Variants in ZNF487 observed in about 807,000 individuals in gnomAD.
The protein encoded by ZNF487 is zinc finger protein 487.
Under a neutral mutation model 3.0 loss-of-function variants are expected in ZNF487, and 4 were observed. That is an observed-to-expected ratio of 1.35 (90% confidence interval 0.66 to 3.08). The LOEUF (loss-of-function observed/expected upper bound fraction) is 3.08, where lower values mean the gene tolerates loss of function less well. Ranked by LOEUF, ZNF487 falls within the 30% of genes most tolerant of loss-of-function variation. The probability of loss-of-function intolerance (pLI) is 0.01; values close to 1 mark genes in which losing one functional copy is unlikely to be tolerated. For synonymous variants in ZNF487, 55 were observed against 34.6 expected, an observed-to-expected ratio of 1.59 and a Z score of -2.06; for missense variants, 146 against 98.7, an observed-to-expected ratio of 1.48 and a Z score of -2.03.
chr10:43,481,249 T>G (rs1841342385), intron 3 of ZNF487, among the ~76,000 whole-genome samples, 180 bp from the exon 4 acceptor site: 1 of 151,656 alleles, frequency 6.6e-6, no homozygotes. Flanking sequence ...GAGCATCACC[T>G]GAGCCTGGGA....
chr10:43,522,511 T>C, the ZNF487 span, among the ~76,000 whole-genome samples: 6 of 151,594 alleles, frequency 4.0e-5, no homozygotes, highest in Non-Finnish European at 7.4e-5. Context: ...AGGTGGTAGG[T>C]TTACCTGAGG....
chr10:43,453,458 TGGGGACAGG>T (rs1480115249), intron 1 of ZNF487: 1 of 152,182 alleles, frequency 6.6e-6, no homozygotes, highest in East Asian at 1.9e-4. Flanking sequence ...ATTTTAATGG[TGGGGACAGG>T]GGTCATCCTG....
chr10:43,468,662 A>G (rs151296636), intron 1 of ZNF487, among the ~76,000 whole-genome samples: 6,321 of 127,942 alleles, frequency 0.049, 220 homozygotes, highest in South Asian at 0.13. Context: ...CTGGGCACCA[A>G]GAGTGAAACT....
At chr10:43,452,801 T>TG (rs1840054465) in intron 1 of ZNF487, 1 of 152,068 alleles carries the variant, frequency 6.6e-6, no homozygotes, top group African/African-American at 2.4e-5. Flanking sequence ...GTGGGGAATC[T>TG]ATCTCGTATC....
the ZNF487 span, among the ~76,000 whole-genome samples, chr10:43,503,773 ATTTTTGTATT>A: frequency 6.6e-6 from 1 of 151,792 alleles, no homozygotes; most frequent in African/African-American, 2.4e-5. Context: ...TGCCCAACTA[ATTTTTGTATT>A]TTTCTGTAGA....
At chr10:43,502,392 G>A in the ZNF487 span, among the ~76,000 whole-genome samples, 14 of 152,100 alleles carry the variant, frequency 9.2e-5, no homozygotes, top group South Asian at 4.1e-4. Flanking sequence ...TGGGGTGGGG[G>A]GGGATAGCAT....
chr10:43,474,125 C>T (rs1841003182), intron 1 of ZNF487, among the ~76,000 whole-genome samples: 1 of 149,832 alleles, frequency 6.7e-6, no homozygotes, highest in Admixed American at 6.8e-5. Context: ...TGTGCCACTG[C>T]ATTCCAGCCT....
chr10:43,455,262 C>G (rs929340070), intron 1 of ZNF487, among the ~76,000 whole-genome samples: 4 of 152,118 alleles, frequency 2.6e-5, no homozygotes, highest in African/African-American at 9.7e-5. Flanking sequence ...CCGCCCGCCT[C>G]GGCCTCCCAA....
At chr10:43,499,201 A>C in the ZNF487 span, among the ~76,000 whole-genome samples, 1 of 152,214 alleles carries the variant, frequency 6.6e-6, no homozygotes, top group African/African-American at 2.4e-5. Context: ...TGGAAAATTA[A>C]AACCAACCAT....
At chr10:43,464,903 T>C (rs1365673794) in intron 1 of ZNF487, among the ~76,000 whole-genome samples, 3 of 151,698 alleles carry the variant, frequency 2.0e-5, no homozygotes, top group African/African-American at 7.3e-5. Flanking sequence ...CCAGACGGGG[T>C]GGTGGCCGGG....
Position 43,481,433 on chromosome 10 carries a change from C to T in ZNF487, c.135C>T (p.Cys45=), listed in dbSNP as rs1351081354. The T allele has an allele frequency of 4.2e-6, 3 of 709,458 alleles. No homozygotes were observed. The highest frequency in any genetic ancestry group is 4.2e-5 in the Admixed American group (2 of 47,666). 43.9% of individuals were successfully genotyped at this position (709,458 alleles called of 1,614,324 possible). A position where few individuals can be genotyped will look rare whatever the true frequency, so the allele number is the denominator to read the frequency against. The change falls in exon 4 of 4, where the codon TGC becomes TGT. Residue 45 remains cysteine (C), a synonymous_variant. Coordinates refer to ENST00000437590, the MANE Select transcript of ZNF487 (RefSeq NM_001355444.3). ...ATAACTTATTATTATTTCTAGACTGCTGCATAGATGATGACCTGATGGAGA... is the reference window on the plus strand; with the variant it reads ...ATAACTTATTATTATTTCTAGACTGTTGCATAGATGATGACCTGATGGAGA... The part of the protein sequence containing the change: ...EESPSQSHLD[C]CIDDDLMEKR...
At chr10:43,478,352 C>G (rs771409334) in intron 3 of ZNF487, among the ~76,000 whole-genome samples, 1 of 151,990 alleles carries the variant, frequency 6.6e-6, no homozygotes, top group East Asian at 1.9e-4. Context: ...GTTGAGAGTT[C>G]GAGACCAGCC....
At chr10:43,505,107 A>C in the ZNF487 span, among the ~76,000 whole-genome samples, 1 of 148,854 alleles carries the variant, frequency 6.7e-6, no homozygotes, top group Admixed American at 6.7e-5. Context: ...GAGACCTCGA[A>C]CTCCTGGGCT....
At chr10:43,450,050 T>C (rs1180724182) in intron 1 of ZNF487, among the ~76,000 whole-genome samples, 1 of 152,110 alleles carries the variant, frequency 6.6e-6, no homozygotes, top group Non-Finnish European at 1.5e-5. Flanking sequence ...ATTGGAAAAC[T>C]TTTTTGTTTT....
intron 1 of ZNF487, among the ~76,000 whole-genome samples, chr10:43,455,703 G>C (rs1840165328): frequency 6.6e-6 from 1 of 152,206 alleles, no homozygotes; most frequent in South Asian, 2.1e-4. Flanking sequence ...GGCTGGGCGC[G>C]GTGGGGTCGC....
At chr10:43,444,715 C>T (rs1173943801) in intron 1 of ZNF487, among the ~76,000 whole-genome samples, 6 of 152,090 alleles carry the variant, frequency 3.9e-5, no homozygotes, top group Non-Finnish European at 7.4e-5. Context: ...ACCACAGGCG[C>T]ACACCACTCC....
intron 1 of ZNF487, among the ~76,000 whole-genome samples, chr10:43,448,695 T>C (rs540384755): frequency 6.6e-4 from 100 of 152,216 alleles, no homozygotes; most frequent in Non-Finnish European, 1.2e-3. Context: ...CGCACACCTG[T>C]AGTCCCAGCT....
chr10:43,505,890 G>A, the ZNF487 span, among the ~76,000 whole-genome samples: 4 of 152,126 alleles, frequency 2.6e-5, no homozygotes, highest in African/African-American at 9.7e-5. Context: ...TGATCTGCCC[G>A]CATCAGCCTC....
chr10:43,474,886 G>GT lies in ZNF487; in HGVS notation c.-93-825dup, dbSNP rs1169496137. ...GCATGAGCCACCACACTCAGCCTAG[G>GT]TTTTTTTTTTAATCAATTTTTTAAA... On this transcript the variant is annotated intron_variant, in intron 1 of 3. Coordinates refer to ENST00000437590, the MANE Select transcript of ZNF487 (RefSeq NM_001355444.3). 8.1e-4 allele frequency among the ~76,000 whole-genome samples: 121 copies of GT among 149,384 alleles called. 2 individuals carry two copies. The highest frequency in any genetic ancestry group is 4.5e-3 in the Admixed American group (67 of 14,914).
Sources: gnomAD v4.1 joint callset for allele counts (sites outside exome capture counted in the v4.1 genomes callset) on GRCh38, gnomAD v4.1.1 for gene constraint, MANE v1.5 for transcripts, NCBI Gene and HGNC (gene_info 2026-07-23, HGNC 2026-07-21) for gene names.